Variants in TLN2 observed in about 807,000 individuals in gnomAD.
TLN2 encodes the protein talin-2.
A neutral mutation model predicts 294.7 loss-of-function variants in TLN2; 118 were observed. The ratio of observed to expected loss-of-function variants is 0.40; its 90% CI spans 0.34 to 0.47. The LOEUF (loss-of-function observed/expected upper bound fraction) is 0.47. Among genes scored for constraint, TLN2 ranks in the 20% least tolerant of loss-of-function variants. The pLI is 0.84. For synonymous variants in TLN2, 1,431 were observed against 1,304.5 expected (o/e 1.10, Z -2.09); for missense variants, 3,083 against 3,282.2 (o/e 0.94, Z 1.48).
intron 54 of TLN2, chr15:62,828,261 G>A (rs2068414720): frequency 6.6e-6 from 1 of 152,306 alleles, no homozygotes; most frequent in African/African-American, 2.4e-5. Context: ...AAAAGCCCAG[G>A]TAGGGATAAA....
At chr15:62,825,766 T>TTATA (rs2068017337) in intron 54 of TLN2, among the ~76,000 whole-genome samples, 1 of 46,466 alleles carries the variant, frequency 2.2e-5, no homozygotes, top group Non-Finnish European at 3.7e-5. Flanking sequence ...ATTATAATTA[T>TTATA]ATATTATATA....
intron 2 of TLN2, among the ~76,000 whole-genome samples, chr15:62,615,112 G>C (rs1456772204): frequency 6.6e-6 from 1 of 152,126 alleles, no homozygotes; most frequent in East Asian, 1.9e-4. Context: ...GGCCTAGTTT[G>C]GGGTTCTTTA....
intron 1 of TLN2, among the ~76,000 whole-genome samples, chr15:62,534,852 A>G (rs2041247707): frequency 6.6e-6 from 1 of 152,088 alleles, no homozygotes; most frequent in Non-Finnish European, 1.5e-5. Flanking sequence ...AAGACCAAAT[A>G]TATATTTCAC....
chr15:62,628,171 GTTAC>G (rs1261660309), intron 3 of TLN2, among the ~76,000 whole-genome samples: 2 of 152,222 alleles, frequency 1.3e-5, no homozygotes, highest in African/African-American at 4.8e-5. Context: ...TCATATTGCA[GTTAC>G]TTAGTCTTGG....
At chr15:62,579,476 C>T (rs1056302312) in intron 1 of TLN2, among the ~76,000 whole-genome samples, 3 of 152,148 alleles carry the variant, frequency 2.0e-5, no homozygotes, top group Non-Finnish European at 2.9e-5. Flanking sequence ...CAAATGACCT[C>T]GTGTTCTTGT....
At chr15:62,746,673 T>C (rs2061630871) in intron 32 of TLN2, among the ~76,000 whole-genome samples, 1 of 152,230 alleles carries the variant, frequency 6.6e-6, no homozygotes, top group Non-Finnish European at 1.5e-5. Flanking sequence ...GCATCTTTTA[T>C]ATTAGTGTTG....
In TLN2 at chr15:62,757,671, G is replaced by A. The variant is rs75336501; in HGVS notation, c.4638+1978G>A. On this transcript the variant is annotated intron_variant, in intron 37 of 58. Coordinates refer to ENST00000636159, the MANE Select transcript of TLN2 (RefSeq NM_015059.3). ...TTCCCTGCAGCAAATGAGCTCTCGT[G>A]ATGGCCTAAAAGATAGGCCTGTGCA... is the stretch of plus-strand genomic sequence containing the variant. 1.5e-3 allele frequency among the ~76,000 whole-genome samples: 222 copies of A among 152,232 alleles called. 7 individuals carry two copies. In the South Asian group the frequency reaches 0.015, roughly 10 times the overall value.
chr15:62,555,534 G>A (rs2042556648), intron 1 of TLN2, among the ~76,000 whole-genome samples: 1 of 152,118 alleles, frequency 6.6e-6, no homozygotes, highest in Non-Finnish European at 1.5e-5. Context: ...TTTAACTGTG[G>A]CGTTTGCCAC....
At chr15:62,678,781 A>G (rs1233084241) in intron 11 of TLN2, among the ~76,000 whole-genome samples, 2 of 152,218 alleles carry the variant, frequency 1.3e-5, no homozygotes, top group Non-Finnish European at 2.9e-5. Flanking sequence ...CAGTTAGCCA[A>G]AATTGCACTA....
At chr15:62,699,364 A>G (rs533096674) in intron 16 of TLN2, among the ~76,000 whole-genome samples, 1 of 151,752 alleles carries the variant, frequency 6.6e-6, no homozygotes, top group Non-Finnish European at 1.5e-5. Flanking sequence ...GTTAAAATGA[A>G]TGTTGCTGGA....
At chr15:62,482,518 G>T (rs1050856935) in intron 1 of TLN2, among the ~76,000 whole-genome samples, 1 of 149,350 alleles carries the variant, frequency 6.7e-6, no homozygotes, top group Non-Finnish European at 1.5e-5. Flanking sequence ...CAGGAGAATC[G>T]CTTGAACTGG....
rs34783254 is a variant in TLN2 at position 62,713,897 on chromosome 15, C to CATATATAT, written c.2634+1831_2634+1838dup. Reference sequence around the variant, plus strand: ...CTGCTATTAACCCCCTTCTTTAAGCCATATATATATATATATATGCTGTGT... The same window carrying CATATATAT: ...CTGCTATTAACCCCCTTCTTTAAGCCATATATATATATATATATATATATATGCTGTGT... On this transcript the variant is annotated intron_variant, in intron 22 of 58. Coordinates refer to ENST00000636159, the MANE Select transcript of TLN2 (RefSeq NM_015059.3). Among the ~76,000 whole-genome samples the CATATATAT allele has an allele frequency of 8.0e-3, 949 of 119,134 alleles. 9 individuals carry two copies. Among genetic ancestry groups the CATATATAT allele is most frequent in the East Asian group, 0.011 (49 of 4,522 alleles). The allele number at this position is 119,134 out of a possible 152,430, so 78.2% of individuals were successfully genotyped here.
At chr15:62,834,257 T>C (rs1305389403) in intron 55 of TLN2, 2 of 152,224 alleles carry the variant, frequency 1.3e-5, no homozygotes, top group Non-Finnish European at 2.9e-5. Context: ...ATTTAACATG[T>C]TCCATATGTC....
At chr15:62,495,076 G>A (rs1353703620) in intron 1 of TLN2, among the ~76,000 whole-genome samples, 2 of 152,216 alleles carry the variant, frequency 1.3e-5, no homozygotes, top group East Asian at 1.9e-4. Context: ...GGGCCCCTGA[G>A]CCTAGAGTTC....
At chr15:62,728,075 C>A (rs985009208) in intron 28 of TLN2, among the ~76,000 whole-genome samples, 1 of 152,172 alleles carries the variant, frequency 6.6e-6, no homozygotes, top group East Asian at 1.9e-4. Flanking sequence ...CTACCAGGAT[C>A]GAGGAATCAA....
chr15:62,799,667 AGAT>A (rs2065787954), intron 48 of TLN2, among the ~76,000 whole-genome samples: 1 of 152,254 alleles, frequency 6.6e-6, no homozygotes, highest in South Asian at 2.1e-4. Context: ...GGGAGAAGAC[AGAT>A]GATTTATAAG....
At chr15:62,831,444 T>G (rs1218654796) in intron 54 of TLN2, 1 of 152,172 alleles carries the variant, frequency 6.6e-6, no homozygotes, top group East Asian at 1.9e-4. Context: ...AGAAAAGCTC[T>G]TAATCTCACG....
In TLN2 at chr15:62,792,677, G is replaced by A; in HGVS notation, c.5773G>A (p.Gly1925Ser). 6.2e-7 allele frequency: 1 copy of A among 1,613,888 alleles called. No homozygotes were observed. Among genetic ancestry groups the A allele is most frequent in the Non-Finnish European group, 8.5e-7 (1 of 1,180,026 alleles). ...GATTCGCACTCGTGTGCAGGACCTG[G>A]GCCACGGCTGTATCTTCCTGGTGCA... is the stretch of plus-strand genomic sequence containing the variant. ...FQIRTRVQDL[G>S]HGCIFLVQKA... Residue 1925 changes from glycine (G) to serine (S), a missense_variant, in exon 46 of 59, where the codon GGC (glycine) becomes AGC (serine). Coordinates refer to ENST00000636159, the MANE Select transcript of TLN2 (RefSeq NM_015059.3).
intron 45 of TLN2, chr15:62,784,315 A>C (rs567697947): frequency 4.2e-5 from 11 of 264,726 alleles, no homozygotes; most frequent in South Asian, 3.4e-4. Flanking sequence ...AAAATTAGCT[A>C]TCCCTCTCCC....
Sources: allele counts gnomAD v4.1 joint callset (sites outside exome capture counted in the v4.1 genomes callset), GRCh38; gene constraint gnomAD v4.1.1; transcripts MANE v1.5; gene names NCBI Gene and HGNC (gene_info 2026-07-23, HGNC 2026-07-21).